CPZ: variants seen among roughly 807,000 people sequenced by gnomAD.
CPZ encodes VEZT/CPZ fusion.
CPZ carries 103 observed loss-of-function variants against 61.8 expected under a neutral mutation model. That is an observed-to-expected ratio of 1.67 (90% CI 1.42 to 1.96). The LOEUF (loss-of-function observed/expected upper bound fraction) is 1.96, where lower values mean the gene tolerates loss of function less well. Among genes scored for constraint, CPZ ranks in the 30% most tolerant of loss-of-function variants. CPZ has a pLI of 0.00. For synonymous variants in CPZ, 551 were observed against 373.7 expected (o/e 1.47, Z -5.47); for missense variants, 1,461 against 914.9 (o/e 1.60, Z -7.70).
intron 9 of CPZ, among the ~76,000 whole-genome samples, chr4:8,616,530 G>T (rs1329887481): frequency 6.6e-6 from 1 of 152,228 alleles, no homozygotes; most frequent in Non-Finnish European, 1.5e-5. Flanking sequence ...CCTGGGGTAG[G>T]CCCCCAGTGT....
At chr4:8,610,993 CTT>C (rs1715609529) in intron 7 of CPZ, among the ~76,000 whole-genome samples, 1 of 147,888 alleles carries the variant, frequency 6.8e-6, no homozygotes, top group African/African-American at 2.5e-5. Flanking sequence ...GTCACTCACT[CTT>C]TCACTCATTC....
At chr4:8,600,489 C>G (rs1216941838) in intron 2 of CPZ, among the ~76,000 whole-genome samples, 1 of 152,194 alleles carries the variant, frequency 6.6e-6, no homozygotes, top group Non-Finnish European at 1.5e-5. Context: ...CTGGAGGGCC[C>G]TGCTAGGCCG....
rs759172996 is a variant in CPZ, at chr4:8,618,545, C to T, written c.1603+17C>T. 3 of 1,609,342 alleles carry T rather than the reference C, an allele frequency of 1.9e-6. No homozygotes were observed. The South Asian group carries it at 3.3e-5, about 18-fold the overall frequency. On this transcript the variant is annotated intron_variant, in intron 10 of 10. Coordinates refer to ENST00000360986, the MANE Select transcript of CPZ (RefSeq NM_001014447.3). ...TCACCACAGGTGAGCACGTCCCTGG[C>T]TGTCCCCTGGGGACCACGTCTGCCA...
At chr4:8,601,033 GC>G in intron 2 of CPZ, 89 bp from the exon 3 acceptor site, 1 of 1,464,482 alleles carries the variant, frequency 6.8e-7, no homozygotes, top group Non-Finnish European at 9.0e-7. Flanking sequence ...GCAGGCCCTG[GC>G]CCTGCGTGGG....
intron 7 of CPZ, among the ~76,000 whole-genome samples, chr4:8,608,441 G>A (rs868530687): frequency 5.9e-5 from 9 of 152,316 alleles, no homozygotes; most frequent in African/African-American, 1.9e-4. Context: ...GAGGCCACCC[G>A]GCCGAGCACA....
chr4:8,597,901 C>T (rs12501979), intron 1 of CPZ, among the ~76,000 whole-genome samples: 12,905 of 152,216 alleles, frequency 0.085, 616 homozygotes, highest in South Asian at 0.12. Flanking sequence ...GCCACTTGCC[C>T]GGGGCCCCCG....
chr4:8,599,279 T>TG (rs1714398347), intron 1 of CPZ, among the ~76,000 whole-genome samples, 174 bp from the exon 2 acceptor site: 1 of 152,084 alleles, frequency 6.6e-6, no homozygotes, highest in African/African-American at 2.4e-5. Flanking sequence ...GCCTGGGAAA[T>TG]GGGGGTGACT....
chr4:8,619,039 G>C (rs147626563), intron 10 of CPZ, among the ~76,000 whole-genome samples: 1 of 152,082 alleles, frequency 6.6e-6, no homozygotes, highest in African/African-American at 2.4e-5. Context: ...AGTGGTCATC[G>C]AAGGTTTCAG....
In CPZ at chr4:8,610,967, ATCACTCATTCACTCAGTCACTCACTCTT is replaced by A. The variant is rs1173942869; in HGVS notation, c.1228-1044_1228-1017del. Among the ~76,000 whole-genome samples the A allele has an allele frequency of 3.7e-4, 56 of 152,198 alleles. 1 individual carries two copies. The highest frequency in any genetic ancestry group is 7.1e-4 in the Non-Finnish European group (48 of 67,982). On this transcript the variant is annotated intron_variant, in intron 7 of 10. Coordinates refer to ENST00000360986, the MANE Select transcript of CPZ (RefSeq NM_001014447.3). ...GAGATCTTCACTCTGGCCTGGAGCA[ATCACTCATTCACTCAGTCACTCACTCTT>A]TCACTCATTCACTCACTCATTCACT...
intron 4 of CPZ, 74 bp from the exon 5 acceptor site, chr4:8,605,915 G>A: frequency 2.7e-6 from 4 of 1,461,412 alleles, no homozygotes; most frequent in African/African-American, 1.4e-5. Context: ...CATTCTTGCT[G>A]AGTGGGGGGG....
Position 8,601,277 on chromosome 4 carries a change from G to A in CPZ, c.276G>A (p.Gln92=), listed in dbSNP as rs2109317091. ...LSVLHQLLEG[Q]CNPDLRLLGC... ...TTCTACACCAGCTCCTGGAAGGCCAGTGCAACCCGGACCTGCGGCTGCTGG... is the reference window on the plus strand; with the variant it reads ...TTCTACACCAGCTCCTGGAAGGCCAATGCAACCCGGACCTGCGGCTGCTGG... The change falls in exon 3 of 11, where the codon CAG becomes CAA. Residue 92 remains glutamine (Q), a synonymous_variant. Coordinates refer to ENST00000360986, the MANE Select transcript of CPZ (RefSeq NM_001014447.3). 1 of 1,613,602 alleles carries A rather than the reference G, an allele frequency of 6.2e-7. No individual in the cohort carries two copies.
At chr4:8,605,362 C>T (rs1714874316) in intron 4 of CPZ, among the ~76,000 whole-genome samples, 2 of 148,156 alleles carry the variant, frequency 1.3e-5, no homozygotes, top group African/African-American at 5.0e-5. Context: ...ATTCATTCAG[C>T]CATTACACAT....
At chr4:8,606,639 C>T (rs992756261) in intron 5 of CPZ, 98 bp from the exon 6 acceptor site, 1 of 1,481,758 alleles carries the variant, frequency 6.7e-7, no homozygotes, top group Admixed American at 1.7e-5. Context: ...GAAACCGCAG[C>T]CCCTGGCCTT....
intron 7 of CPZ, among the ~76,000 whole-genome samples, chr4:8,609,241 T>TTCACTCATCACTCAC: frequency 2.1e-5 from 1 of 48,024 alleles, no homozygotes; most frequent in African/African-American, 1.3e-4. Flanking sequence ...TTGTCACTCA[T>TTCACTCATCACTCAC]TCACTCATCA....
At chr4:8,615,098 G>T (rs1431955464) in intron 9 of CPZ, among the ~76,000 whole-genome samples, 1 of 152,094 alleles carries the variant, frequency 6.6e-6, no homozygotes, top group Admixed American at 6.5e-5. Context: ...AGAGTGAAGG[G>T]TATAGGCAGG....
At chr4:8,611,347 T>G in intron 7 of CPZ, 3 of 443,706 alleles carry the variant, frequency 6.8e-6, no homozygotes, top group South Asian at 4.7e-5. Flanking sequence ...ATGGGCACAA[T>G]GCGGGGAAGC....
In CPZ at chr4:8,606,026, C is replaced by T. The variant is rs769718507; in HGVS notation, c.747C>T (p.Gly249=). Reference sequence around the variant, plus strand: ...TGAAGCTCATCGGCAACATTCATGGCAACGAGGTGGCGGGCCGGGAGATGC... The same window carrying T: ...TGAAGCTCATCGGCAACATTCATGGTAACGAGGTGGCGGGCCGGGAGATGC... ...PEVKLIGNIH[G]NEVAGREMLI... The change falls in exon 5 of 11, where the codon GGC becomes GGT. Residue 249 remains glycine, a synonymous_variant. Transcript: ENST00000360986. 6.2e-7 allele frequency: 1 copy of T among 1,614,112 alleles called. No homozygotes were observed. The highest frequency in any genetic ancestry group is 8.5e-7 in the Non-Finnish European group (1 of 1,179,960).
At chr4:8,611,890 C>G in intron 7 of CPZ, 137 bp from the exon 8 acceptor site, 1 of 1,252,530 alleles carries the variant, frequency 8.0e-7, no homozygotes, top group Non-Finnish European at 1.1e-6. Context: ...GTTCCCCTCT[C>G]CTACCTGCAG....
In CPZ at chr4:8,606,843, C is replaced by T. The variant is rs766745681; in HGVS notation, c.1013C>T (p.Thr338Ile). The change falls in exon 6 of 11, where the codon ACC becomes ATC. Residue 338 changes from threonine (T) to isoleucine (I), a missense_variant. Physicochemically the swap from Thr to Ile is moderately conservative, Grantham distance 89. Coordinates refer to ENST00000360986, the MANE Select transcript of CPZ (RefSeq NM_001014447.3). ...TCCGAGTACTACCGGCTGGCGGAGACCCGCGGCGCACGCAGCGACCACATC... is the reference window on the plus strand; with the variant it reads ...TCCGAGTACTACCGGCTGGCGGAGATCCGCGGCGCACGCAGCGACCACATC... ...LTSEYYRLAE[T>I]RGARSDHIPI... The T allele has an allele frequency of 1.1e-5, 17 of 1,613,508 alleles. No individual in the cohort carries two copies. The highest frequency in any genetic ancestry group is 3.3e-5 in the Admixed American group (2 of 59,998).
Sources: allele counts gnomAD v4.1 joint callset (sites outside exome capture counted in the v4.1 genomes callset), GRCh38; gene constraint gnomAD v4.1.1; transcripts MANE v1.5; gene names NCBI Gene and HGNC (gene_info 2026-07-23, HGNC 2026-07-21).